Variants in CDH20 observed in about 807,000 individuals in gnomAD.
CDH20 encodes the protein cadherin-20.
Under a neutral mutation model 74.2 loss-of-function variants are expected in CDH20, and 29 were observed. That is an observed-to-expected ratio of 0.39 (90% CI 0.29 to 0.53). The LOEUF (loss-of-function observed/expected upper bound fraction) is 0.53. Ranked by LOEUF, CDH20 falls within the 20% of genes least tolerant of loss-of-function variation. CDH20 has a pLI of 0.69. For synonymous variants in CDH20, 469 were observed against 405.4 expected (o/e 1.16, Z -1.88); for missense variants, 988 against 1,048.3 (o/e 0.94, Z 0.79).
At chr18:61,341,049 T>C (rs1735482228) in intron 1 of CDH20, among the ~76,000 whole-genome samples, 1 of 152,204 alleles carries the variant, frequency 6.6e-6, no homozygotes, top group Non-Finnish European at 1.5e-5. Context: ...CCTACCACTG[T>C]TGAAGGTCAG....
At chr18:61,380,865 T>A (rs537872126) in intron 1 of CDH20, among the ~76,000 whole-genome samples, 1 of 152,270 alleles carries the variant, frequency 6.6e-6, no homozygotes, top group African/African-American at 2.4e-5. Context: ...CAGAAATACT[T>A]CTTGGTCAGT....
chr18:61,430,387 C>T (rs1266289148), intron 1 of CDH20, among the ~76,000 whole-genome samples: 1 of 152,118 alleles, frequency 6.6e-6, no homozygotes, highest in Admixed American at 6.6e-5. Flanking sequence ...TATCAGGATA[C>T]ATGTTGATAG....
intron 6 of CDH20, among the ~76,000 whole-genome samples, 184 bp downstream of exon 6, chr18:61,507,744 G>C (rs1911627387): frequency 6.6e-6 from 1 of 150,518 alleles, no homozygotes; most frequent in Non-Finnish European, 1.5e-5. Flanking sequence ...TGAAAACACT[G>C]GCTGTGCCAT....
At chr18:61,359,955 A>G (rs1159232224) in intron 1 of CDH20, among the ~76,000 whole-genome samples, 2 of 152,232 alleles carry the variant, frequency 1.3e-5, no homozygotes, top group Non-Finnish European at 2.9e-5. Context: ...CTTCCAGTCA[A>G]TTACAGAAAA....
At chr18:61,367,868 GCTTGTAGATGGCCGT>G (rs1187292913) in intron 1 of CDH20, among the ~76,000 whole-genome samples, 1 of 152,014 alleles carries the variant, frequency 6.6e-6, no homozygotes, top group East Asian at 1.9e-4. Context: ...TCTCTCTTTG[GCTTGTAGATGGCCGT>G]CTTCTCTTTG....
chr18:61,336,817 TG>T (rs5825438), intron 1 of CDH20, among the ~76,000 whole-genome samples: 12 of 142,542 alleles, frequency 8.4e-5, no homozygotes, highest in Admixed American at 4.2e-4. Context: ...CCAGAATATA[TG>T]GGGGGGGGTG....
At chr18:61,389,404 A>AC (rs373006955) in intron 1 of CDH20, among the ~76,000 whole-genome samples, 2 of 151,794 alleles carry the variant, frequency 1.3e-5, no homozygotes, top group East Asian at 1.9e-4. Flanking sequence ...GTGAAGTTAC[A>AC]AATATTACAT....
intron 1 of CDH20, among the ~76,000 whole-genome samples, chr18:61,441,521 A>T (rs1410901509): frequency 6.6e-6 from 1 of 152,134 alleles, no homozygotes; most frequent in Non-Finnish European, 1.5e-5. Context: ...ATAAGCAATA[A>T]ATATAGACTT....
chr18:61,404,963 C>A (rs1196854199), intron 1 of CDH20: 3 of 710,806 alleles, frequency 4.2e-6, no homozygotes, highest in South Asian at 1.4e-5. Context: ...ATGCTGCGCC[C>A]AGTTCAATAT....
At chr18:61,502,925 T>C (rs1368871829) in intron 4 of CDH20, 28 bp from the exon 5 acceptor site, 1 of 1,566,310 alleles carries the variant, frequency 6.4e-7, no homozygotes, top group Non-Finnish European at 8.6e-7. Flanking sequence ...GTTTTATTTT[T>C]ATAAACAAAG....
At chr18:61,432,340 C>T (rs1913287049) in intron 1 of CDH20, among the ~76,000 whole-genome samples, 1 of 152,030 alleles carries the variant, frequency 6.6e-6, no homozygotes, top group Non-Finnish European at 1.5e-5. Flanking sequence ...TCTGTTCTCC[C>T]ACACATATTT....
intron 2 of CDH20, among the ~76,000 whole-genome samples, chr18:61,496,638 G>A (rs1054299851): frequency 4.6e-5 from 7 of 152,272 alleles, no homozygotes; most frequent in Middle Eastern, 3.4e-3. Flanking sequence ...CTTAAAGCGC[G>A]CTCACCTGCG....
At chr18:61,460,491 G>A (rs1476048491) in intron 1 of CDH20, among the ~76,000 whole-genome samples, 2 of 152,178 alleles carry the variant, frequency 1.3e-5, no homozygotes. Context: ...ATGCAGGGCA[G>A]GGAGGCAATA....
At chr18:61,426,379 G>A (rs188386682) in intron 1 of CDH20, among the ~76,000 whole-genome samples, 1 of 151,952 alleles carries the variant, frequency 6.6e-6, no homozygotes, top group African/African-American at 2.4e-5. Context: ...ATTTAGAAAG[G>A]GTTTGAAAAT....
chr18:61,481,997 C>T (rs183859997), intron 1 of CDH20, among the ~76,000 whole-genome samples: 1 of 87,486 alleles, frequency 1.1e-5, no homozygotes, highest in East Asian at 3.3e-4. Flanking sequence ...TAAATAAGAA[C>T]TGAGAAATAG....
intron 1 of CDH20, among the ~76,000 whole-genome samples, chr18:61,409,901 T>C (rs1912443361): frequency 6.6e-6 from 1 of 152,116 alleles, no homozygotes; most frequent in South Asian, 2.1e-4. Context: ...GACAGGGAAG[T>C]CACTGTCCCT....
intron 1 of CDH20, among the ~76,000 whole-genome samples, chr18:61,461,328 TAA>T (rs33964985): frequency 0.11 from 14,011 of 129,396 alleles, 759 homozygotes; most frequent in South Asian, 0.2. Context: ...CTGGGTGACT[TAA>T]AAAAAAAAAA....
intron 1 of CDH20, among the ~76,000 whole-genome samples, chr18:61,446,626 G>A (rs1909212529): frequency 6.6e-6 from 1 of 151,966 alleles, no homozygotes; most frequent in South Asian, 2.1e-4. Flanking sequence ...ACTCAGATTA[G>A]GAGGTTCTTC....
At position 61,353,553 on chromosome 18, in the gene CDH20, A is replaced by G. The variant is rs1910380757; in HGVS notation, c.-153+19726A>G. Among the ~76,000 whole-genome samples the G allele has an allele frequency of 6.6e-6, 1 of 152,228 alleles. No individual in the cohort carries two copies. The highest frequency in any genetic ancestry group is 2.1e-4 in the South Asian group (1 of 4,834). On this transcript the variant is annotated intron_variant, in intron 1 of 11. Coordinates refer to ENST00000262717, the MANE Select transcript of CDH20 (RefSeq NM_031891.4). This position sits in a 1 kb window ranked among gnomAD's most constrained non-coding sequence, Gnocchi z 4.6. ...GACACAGCTTTACTTGCTTTTGAATATCCGACAGTGTGTATCACAGTGCTT... is the reference window on the plus strand; with the variant it reads ...GACACAGCTTTACTTGCTTTTGAATGTCCGACAGTGTGTATCACAGTGCTT...
Sources: allele counts gnomAD v4.1 joint callset (sites outside exome capture counted in the v4.1 genomes callset), GRCh38; gene constraint gnomAD v4.1.1; non-coding constraint Gnocchi (gnomAD v3.1); transcripts MANE v1.5; gene names NCBI Gene and HGNC (gene_info 2026-07-23, HGNC 2026-07-21).